RASGEF1B: variants seen among roughly 807,000 people sequenced by gnomAD.
RASGEF1B encodes the protein ras-GEF domain-containing family member 1B.
A neutral mutation model predicts 65.7 loss-of-function variants in RASGEF1B; 30 were observed. The observed-to-expected ratio is 0.46, with a 90% CI of 0.34 to 0.62. The LOEUF (loss-of-function observed/expected upper bound fraction) is 0.62, where lower values mean the gene tolerates loss of function less well. Ranked by LOEUF, RASGEF1B falls within the 20% of genes least tolerant of loss-of-function variation. The pLI, the probability that RASGEF1B is intolerant of heterozygous loss-of-function variation, is 0.01. For synonymous variants in RASGEF1B, 175 were observed against 194.8 expected, an observed-to-expected ratio of 0.90 and a Z score of 0.85; for missense variants, 495 against 580.1, an observed-to-expected ratio of 0.85 and a Z score of 1.51.
intron 4 of RASGEF1B, chr4:81,454,106 T>A (rs1373805422): frequency 6.6e-6 from 1 of 152,208 alleles, no homozygotes; most frequent in Non-Finnish European, 1.5e-5. Flanking sequence ...CAAGAATATG[T>A]TATTAACCCA....
At chr4:81,451,917 C>A (rs914827838) in intron 4 of RASGEF1B, 5 of 152,242 alleles carry the variant, frequency 3.3e-5, no homozygotes, top group African/African-American at 1.2e-4. Context: ...GGGTACCACA[C>A]AAGGGTACCT....
chr4:81,429,416 G>C (rs1046833156), intron 13 of RASGEF1B, among the ~76,000 whole-genome samples: 14 of 152,218 alleles, frequency 9.2e-5, no homozygotes, highest in Non-Finnish European at 4.4e-5. Context: ...GGAGTGCTGG[G>C]AGGGGAAGAG....
chr4:81,454,182 C>T (rs949708095), intron 4 of RASGEF1B: 11 of 152,132 alleles, frequency 7.2e-5, no homozygotes, highest in African/African-American at 2.2e-4. Flanking sequence ...ACCCAGCTCT[C>T]GAATGGCTTG....
At chr4:81,448,012 G>T (rs927207685) in intron 5 of RASGEF1B, 57 bp downstream of exon 5, 1 of 1,437,904 alleles carries the variant, frequency 7.0e-7, no homozygotes, top group Non-Finnish European at 9.8e-7. Flanking sequence ...ATATCGTCTG[G>T]TTGCCAAAGC....
chr4:81,456,644 T>C lies in RASGEF1B; in HGVS notation c.438+7A>G. On this transcript the variant is annotated splice_region_variant and intron_variant, in intron 4 of 13. Coordinates refer to ENST00000264400, the MANE Select transcript of RASGEF1B (RefSeq NM_152545.3). ...TCCAGCAGCCGCGCTAAATTCAGGT[T>C]ACCAACCTCTTCGCCACTGGCTATT... 1 of 1,614,084 alleles carries C rather than the reference T, an allele frequency of 6.2e-7. No individual in the cohort carries two copies. The highest frequency in any genetic ancestry group is 1.1e-5 in the South Asian group (1 of 91,090).
chr4:81,466,770 A>AAGAAGAAAGAAAGAAAGAAAGAAAG (rs1553947088), intron 1 of RASGEF1B, among the ~76,000 whole-genome samples: 1 of 36,100 alleles, frequency 2.8e-5, no homozygotes, highest in South Asian at 1.1e-3. Flanking sequence ...AAAAAAAAAA[A>AAGAAGAAAGAAAGAAAGAAAGAAAG]AAAGAAAGAA....
At chr4:81,466,559 A>C (rs934884816) in intron 1 of RASGEF1B, among the ~76,000 whole-genome samples, 1 of 151,948 alleles carries the variant, frequency 6.6e-6, no homozygotes, top group Non-Finnish European at 1.5e-5. Context: ...GCAGATCGAG[A>C]CCATCCTGGC....
intron 6 of RASGEF1B, among the ~76,000 whole-genome samples, chr4:81,447,236 G>T (rs112739043): frequency 1.3e-5 from 2 of 152,166 alleles, no homozygotes; most frequent in African/African-American, 4.8e-5. Context: ...ACAAATGCCT[G>T]CATCTACTTG....
At chr4:81,449,667 T>TA (rs1262243539) in intron 4 of RASGEF1B, among the ~76,000 whole-genome samples, 6 of 152,188 alleles carry the variant, frequency 3.9e-5, no homozygotes, top group African/African-American at 1.4e-4. Flanking sequence ...CATTGGCTTT[T>TA]AAAAAAATAC....
At chr4:81,438,842 G>A (rs944183604) in intron 10 of RASGEF1B, among the ~76,000 whole-genome samples, 2 of 151,856 alleles carry the variant, frequency 1.3e-5, no homozygotes, top group African/African-American at 2.4e-5. Context: ...CTGTTCCTGT[G>A]TTAGTTTGCT....
In RASGEF1B at chr4:81,447,571, A is replaced by G; in HGVS notation, c.662T>C (p.Leu221Pro). The change falls in exon 6 of 14, where the codon CTC becomes CCC. Residue 221 changes from leucine (L) to proline (P), a missense_variant. Leu to Pro is a moderately conservative substitution (Grantham distance 98). Transcript: ENST00000264400. ...AAATTCTTCTGGCCCAATATAATTG[A>G]GCCTCTCCTGAAACACAAACCCAGA... Reference protein sequence around the residue: ...QQLTHIELERLNYIGPEEFVQ... With the variant: ...QQLTHIELERPNYIGPEEFVQ... 1 of 1,613,474 alleles carries G rather than the reference A, an allele frequency of 6.2e-7. No homozygotes were observed. Among genetic ancestry groups the G allele is most frequent in the South Asian group, 1.1e-5 (1 of 91,056 alleles).
At chr4:81,449,538 C>T (rs1363399547) in intron 4 of RASGEF1B, among the ~76,000 whole-genome samples, 1 of 152,128 alleles carries the variant, frequency 6.6e-6, no homozygotes, top group African/African-American at 2.4e-5. Context: ...AATTATGATG[C>T]CTGTATCAGA....
chr4:81,432,648 T>C (rs554411376), intron 12 of RASGEF1B, among the ~76,000 whole-genome samples: 2 of 152,282 alleles, frequency 1.3e-5, no homozygotes, highest in South Asian at 2.1e-4. Flanking sequence ...ATGTAAGCCA[T>C]ATGATGCTGT....
At chr4:81,431,444 A>G (rs1467840058) in intron 13 of RASGEF1B, among the ~76,000 whole-genome samples, 2 of 152,050 alleles carry the variant, frequency 1.3e-5, no homozygotes, top group African/African-American at 4.8e-5. Context: ...AAGAATTCCA[A>G]TGCCTTCATA....
rs1236622912 is a variant in RASGEF1B at position 81,442,338 on chromosome 4, T to A, written c.967A>T (p.Thr323Ser). The change falls in exon 9 of 14, where the codon ACT (threonine) becomes TCT (serine). Residue 323 changes from threonine (T) to serine (S), a missense_variant. Thr to Ser is a moderately conservative substitution (Grantham distance 58). Transcript: ENST00000264400. Reference protein sequence around the residue: ...NMSPVSRLKKTWAKVKTAKFD... With the variant: ...NMSPVSRLKKSWAKVKTAKFD... ...TTTGCAGTCTTCACTTTGGCCCAAGTTTTTTTTAGTCGAGAGACTGGGCTC... is the reference window on the plus strand; with the variant it reads ...TTTGCAGTCTTCACTTTGGCCCAAGATTTTTTTAGTCGAGAGACTGGGCTC... 6.2e-7 allele frequency: 1 copy of A among 1,607,388 alleles called. No individual in the cohort carries two copies. The highest frequency in any genetic ancestry group is 8.5e-7 in the Non-Finnish European group (1 of 1,174,366).
intron 11 of RASGEF1B, among the ~76,000 whole-genome samples, chr4:81,434,314 G>A (rs979104616): frequency 6.6e-5 from 10 of 152,154 alleles, no homozygotes; most frequent in African/African-American, 1.7e-4. Flanking sequence ...GCCTCCTAAC[G>A]CACTGGTATT....
chr4:81,444,087 G>A lies in RASGEF1B; in HGVS notation c.928+1439C>T, dbSNP rs148806537. ...AGCCATTAATATACAGTATCCTCTC[G>A]CATGACAAATCTGTTTCAGTCTTTT... On this transcript the variant is annotated intron_variant, in intron 8 of 13. Transcript: ENST00000264400. Among the ~76,000 whole-genome samples the A allele has an allele frequency of 6.6e-5, 10 of 152,226 alleles. No individual in the cohort carries two copies. The East Asian group carries it at 7.7e-4, about 12-fold the overall frequency.
chr4:81,430,451 A>G (rs552594215), intron 13 of RASGEF1B, among the ~76,000 whole-genome samples: 1 of 152,330 alleles, frequency 6.6e-6, no homozygotes, highest in South Asian at 2.1e-4. Context: ...GGTTAACGCA[A>G]GCCACCTATA....
intron 13 of RASGEF1B, among the ~76,000 whole-genome samples, chr4:81,430,278 G>C (rs1004187572): frequency 6.6e-6 from 1 of 152,180 alleles, no homozygotes; most frequent in Non-Finnish European, 1.5e-5. Context: ...TCCAGCCTGG[G>C]CGACAGAGAG....
Sources: gnomAD v4.1 joint callset for allele counts (sites outside exome capture counted in the v4.1 genomes callset) on GRCh38, gnomAD v4.1.1 for gene constraint, MANE v1.5 for transcripts, NCBI Gene and HGNC (gene_info 2026-07-23, HGNC 2026-07-21) for gene names.